The following COL4A6 variants were observed in gnomAD, a reference collection of about 807,000 sequenced individuals.
COL4A6 encodes collagen type IV alpha 6 chain, also known as collagen alpha-6(IV) chain.
A neutral mutation model predicts 126.7 loss-of-function variants in COL4A6; 59 were observed. The ratio of observed to expected loss-of-function variants is 0.47; its 90% CI spans 0.38 to 0.58. COL4A6 has a LOEUF of 0.58. COL4A6 is among the 20% of genes least tolerant of loss of function. COL4A6 has a pLI of 0.00. For synonymous variants in COL4A6, 547 were observed against 496.6 expected (o/e 1.10, Z -1.35); for missense variants, 1,285 against 1,337.3 (o/e 0.96, Z 0.61).
At chrX:108,423,420 C>T (rs1217167644) in intron 2 of COL4A6, among the ~76,000 whole-genome samples, 1 of 111,827 alleles carries the variant, frequency 8.9e-6, no homozygotes, top group Non-Finnish European at 1.9e-5. Flanking sequence ...CTCTTTTAAG[C>T]ATCTCAATAA....
chrX:108,174,298 C>G (rs2034404484), intron 31 of COL4A6, 142 bp downstream of exon 31: 1 of 570,277 alleles, frequency 1.8e-6, no homozygotes, highest in African/African-American at 2.3e-5. Flanking sequence ...CTGTCAGACT[C>G]AAGGAGAGAA....
chrX:108,318,918 C>A (rs1376150743), intron 2 of COL4A6, among the ~76,000 whole-genome samples: 1 of 112,531 alleles, frequency 8.9e-6, no homozygotes, highest in Admixed American at 9.3e-5. Flanking sequence ...TATCTCAGAT[C>A]CTAGTAACTG....
chrX:108,426,990 C>T (rs2064097816), intron 2 of COL4A6, among the ~76,000 whole-genome samples: 1 of 112,134 alleles, frequency 8.9e-6, no homozygotes, highest in South Asian at 3.7e-4. Context: ...GGCTTGCCTA[C>T]ATTTGATAAA....
chrX:108,397,656 A>C (rs1219402757), intron 2 of COL4A6, among the ~76,000 whole-genome samples: 6 of 102,670 alleles, frequency 5.8e-5, no homozygotes, highest in African/African-American at 1.8e-4. Flanking sequence ...AAAAAAAAAA[A>C]CACATATGGA....
rs746679536 is a variant in COL4A6 at position 108,190,734 on chromosome X, G to A, written c.1322-238C>T. On this transcript the variant is annotated intron_variant, in intron 19 of 44. Coordinates refer to ENST00000334504, the MANE Select transcript of COL4A6 (RefSeq NM_033641.4). ...GAATGTCCATTATGTTCCAGGCACC[G>A]TATTAGACAGTGGGGTTAGAGGAAT... Among the ~76,000 whole-genome samples the A allele has an allele frequency of 5.4e-5, 6 of 112,120 alleles. No homozygotes were observed. The South Asian group carries it at 1.5e-3, about 28-fold the overall frequency.
At position 108,179,257 on chromosome X, in the gene COL4A6, G is replaced by A. The variant is rs1228868160; in HGVS notation, c.2313C>T (p.His771=). ...GGCCAGAGTCTCCAAGAAATCCTTTGTGCCCTGTTAATCCTTGTAGGCCTT... is the reference window on the plus strand; with the variant it reads ...GGCCAGAGTCTCCAAGAAATCCTTTATGCCCTGTTAATCCTTGTAGGCCTT... ...GEQGLQGLTG[H]KGFLGDSGLP... Residue 771 remains histidine (H), a synonymous_variant, in exon 26 of 45, where the codon CAC becomes CAT. Coordinates refer to ENST00000334504, the MANE Select transcript of COL4A6 (RefSeq NM_033641.4). The A allele has an allele frequency of 2.5e-5, 30 of 1,211,572 alleles. No individual in the cohort carries two copies. Among genetic ancestry groups the A allele is most frequent in the Non-Finnish European group, 3.2e-5 (29 of 895,448 alleles).
At position 108,351,708 on chromosome X, in the gene COL4A6, A is replaced by C. The variant is rs763102237; in HGVS notation, c.64-40880T>G. Among the ~76,000 whole-genome samples, 449 of 111,557 alleles carry C rather than the reference A, an allele frequency of 4.0e-3. 2 individuals carry two copies. The highest frequency in any genetic ancestry group is 5.4e-3 in the Non-Finnish European group (289 of 53,199). ...AAGCTTTGCTTGTAGAGGCACAGAA[A>C]GAAGGAGACAAAAACAAGAACAATA... On this transcript the variant is annotated intron_variant, in intron 2 of 44. Transcript: ENST00000334504.
intron 2 of COL4A6, among the ~76,000 whole-genome samples, chrX:108,431,870 G>A (rs954406877): frequency 1.8e-5 from 2 of 111,982 alleles, no homozygotes; most frequent in South Asian, 3.8e-4. Flanking sequence ...CTTCTGTTGC[G>A]TTGGACATCA....
intron 2 of COL4A6, among the ~76,000 whole-genome samples, chrX:108,422,208 T>C (rs997256397): frequency 9.1e-6 from 1 of 109,949 alleles, no homozygotes; most frequent in African/African-American, 3.3e-5. Context: ...ACAAAAAATT[T>C]TTAAAAAATT....
chrX:108,366,144 A>G (rs1390481442), intron 2 of COL4A6, among the ~76,000 whole-genome samples: 1 of 111,751 alleles, frequency 8.9e-6, no homozygotes, highest in Non-Finnish European at 1.9e-5. Flanking sequence ...AGAAATGTCC[A>G]GTTCATGAGA....
In COL4A6 at chrX:108,195,125, C is replaced by A. The variant is rs1048333122; in HGVS notation, c.905G>T (p.Gly302Val). 4 of 1,201,623 alleles carry A rather than the reference C, an allele frequency of 3.3e-6. No individual in the cohort carries two copies. Among genetic ancestry groups the A allele is most frequent in the Non-Finnish European group, 4.5e-6 (4 of 888,564 alleles). Residue 302 changes from glycine (G) to valine (V), a missense_variant and splice_region_variant, in exon 15 of 45, where the codon GGT becomes GTT. Coordinates refer to ENST00000334504, the MANE Select transcript of COL4A6 (RefSeq NM_033641.4). ...KGIPGLPGPR[G>V]PMGSEGVQGP... ...TTGGACTCCTTCTGAACCCATGGGA[C>A]CCTGTAAAGAAAATAGTTACACCTT...
At chrX:108,186,119 C>G (rs1010332729) in intron 23 of COL4A6, among the ~76,000 whole-genome samples, 9 of 112,017 alleles carry the variant, frequency 8.0e-5, no homozygotes, top group African/African-American at 2.9e-4. Flanking sequence ...ATTATATGAT[C>G]TCTGTTCAAT....
At chrX:108,169,891 CCAGGCTTCT>C (rs2034248863) in intron 36 of COL4A6, 45 bp downstream of exon 36, 2 of 1,087,725 alleles carry the variant, frequency 1.8e-6, no homozygotes, top group Admixed American at 2.6e-5. Flanking sequence ...CCAGCCCTTG[CCAGGCTTCT>C]GGAAGAGCTG....
intron 3 of COL4A6, among the ~76,000 whole-genome samples, chrX:108,274,955 C>G (rs1332117): frequency 0.25 from 27,734 of 110,306 alleles, 2,949 homozygotes; most frequent in East Asian, 0.62. Context: ...CACCCACACT[C>G]AAGAGGAGGG....
At chrX:108,390,524 C>T (rs2040812696) in intron 2 of COL4A6, among the ~76,000 whole-genome samples, 1 of 108,265 alleles carries the variant, frequency 9.2e-6, no homozygotes, top group Non-Finnish European at 1.9e-5. Context: ...ATCATTCTGG[C>T]TGTTGATACT....
chrX:108,366,891 G>A (rs1302347557), intron 2 of COL4A6, among the ~76,000 whole-genome samples: 1 of 112,059 alleles, frequency 8.9e-6, no homozygotes, highest in Non-Finnish European at 1.9e-5. Flanking sequence ...TGACATCAGT[G>A]TCATTCTTTC....
At chrX:108,188,456 G>A in intron 21 of COL4A6, 61 bp downstream of exon 21, 1 of 1,009,508 alleles carries the variant, frequency 9.9e-7, no homozygotes, top group Middle Eastern at 3.7e-4. Flanking sequence ...TAACTGGGGG[G>A]ATTGAAGGGC....
At position 108,210,080 on chromosome X, in the gene COL4A6, T is replaced by C. The variant is rs772921404; in HGVS notation, c.511-76A>G. On this transcript the variant is annotated intron_variant, in intron 7 of 44. Transcript: ENST00000334504. Reference sequence around the variant, plus strand: ...TATTTCAGATAACTAACCTAACATTTATAGGGACAAAAACACATCTCTGAA... The same window carrying C: ...TATTTCAGATAACTAACCTAACATTCATAGGGACAAAAACACATCTCTGAA... 7 of 1,038,847 alleles carry C rather than the reference T, an allele frequency of 6.7e-6. No individual in the cohort carries two copies. The East Asian group carries it at 2.2e-4, about 32-fold the overall frequency. 85.6% of individuals were successfully genotyped at this position (1,038,847 alleles called of 1,213,427 possible). A position where few individuals can be genotyped will look rare whatever the true frequency, so the allele number is the denominator to read the frequency against.
At chrX:108,244,215 G>A (rs2036655468) in intron 3 of COL4A6, among the ~76,000 whole-genome samples, 1 of 109,249 alleles carries the variant, frequency 9.2e-6, no homozygotes, top group Non-Finnish European at 1.9e-5. Context: ...ATGTTATTTA[G>A]TGTTCACTTC....
Sources: allele counts gnomAD v4.1 joint callset (sites outside exome capture counted in the v4.1 genomes callset), GRCh38; gene constraint gnomAD v4.1.1; transcripts MANE v1.5; gene names NCBI Gene and HGNC (gene_info 2026-07-23, HGNC 2026-07-21).